The following NT5DC1 variants were observed in gnomAD, a reference collection of about 807,000 sequenced individuals.
The protein encoded by NT5DC1 is 5'-nucleotidase domain-containing protein 1.
Under a neutral mutation model 59.4 loss-of-function variants are expected in NT5DC1, and 42 were observed. That is an observed-to-expected ratio of 0.71 (90% confidence interval 0.55 to 0.92). The LOEUF (loss-of-function observed/expected upper bound fraction) is 0.92. Ranked by LOEUF, NT5DC1 falls within the 40% of genes least tolerant of loss-of-function variation. NT5DC1 has a pLI of 0.00. For missense variants in NT5DC1, 501 were observed against 537.1 expected (o/e 0.93, Z 0.66); for synonymous variants, 172 against 188.1 (o/e 0.91, Z 0.70).
At chr6:116,227,133 C>T (rs887994030) in intron 8 of NT5DC1, among the ~76,000 whole-genome samples, 1 of 152,106 alleles carries the variant, frequency 6.6e-6, no homozygotes, top group South Asian at 2.1e-4. Context: ...TCCTAATACC[C>T]CTACCCCTAG....
chr6:116,148,578 T>C (rs753827111), intron 6 of NT5DC1, among the ~76,000 whole-genome samples: 12 of 152,336 alleles, frequency 7.9e-5, no homozygotes, highest in African/African-American at 2.4e-4. Flanking sequence ...AATAGAAGTA[T>C]TACTATGATA....
At chr6:116,163,145 T>A (rs1211079560) in intron 6 of NT5DC1, among the ~76,000 whole-genome samples, 2,406 of 76,046 alleles carry the variant, frequency 0.032, 33 homozygotes, top group African/African-American at 0.064. Context: ...AAAAAAAATA[T>A]ATATATATAT....
chr6:116,173,347 T>C (rs186558286), intron 6 of NT5DC1, among the ~76,000 whole-genome samples: 21 of 152,330 alleles, frequency 1.4e-4, no homozygotes, highest in Non-Finnish European at 2.5e-4. Context: ...ATTTACTCTT[T>C]AACAATCTGA....
intron 4 of NT5DC1, among the ~76,000 whole-genome samples, chr6:116,114,736 G>A (rs1778934836): frequency 6.6e-6 from 1 of 152,114 alleles, no homozygotes; most frequent in African/African-American, 2.4e-5. Context: ...GGAATGAGAG[G>A]ATAAGACATG....
At chr6:116,155,625 G>A (rs1481111193) in intron 6 of NT5DC1, among the ~76,000 whole-genome samples, 5 of 151,964 alleles carry the variant, frequency 3.3e-5, no homozygotes, top group Non-Finnish European at 7.4e-5. Flanking sequence ...TTACATATGA[G>A]TGAGGTTACT....
intron 6 of NT5DC1, among the ~76,000 whole-genome samples, chr6:116,195,609 G>A (rs1781206113): frequency 1.3e-5 from 2 of 151,936 alleles, no homozygotes; most frequent in South Asian, 2.1e-4. Context: ...TCCCTCAAAT[G>A]TACATAATCA....
At chr6:116,243,858 G>T (rs369929112) in intron 11 of NT5DC1, 51 bp from the exon 12 acceptor site, 15 of 685,684 alleles carry the variant, frequency 2.2e-5, no homozygotes, top group African/African-American at 2.0e-4. Context: ...ATTTGTTTAT[G>T]AAAGGCATTC....
chr6:116,209,427 A>C (rs1317842273), intron 6 of NT5DC1, among the ~76,000 whole-genome samples: 1 of 152,046 alleles, frequency 6.6e-6, no homozygotes, highest in Non-Finnish European at 1.5e-5. Context: ...TAGGAGTATA[A>C]ACATGAATGT....
At chr6:116,173,741 A>G (rs1780670018) in intron 6 of NT5DC1, among the ~76,000 whole-genome samples, 1 of 152,198 alleles carries the variant, frequency 6.6e-6, no homozygotes. Context: ...TAGAAAAATG[A>G]TAAAGACAAT....
At chr6:116,110,661 G>C (rs1450296238) in intron 3 of NT5DC1, 189 bp from the exon 4 acceptor site, 3 of 673,606 alleles carry the variant, frequency 4.5e-6, no homozygotes, top group African/African-American at 1.8e-5. Flanking sequence ...GATTAAAGCG[G>C]GTAAGTGCTA....
chr6:116,141,228 A>G (rs1445265928), intron 6 of NT5DC1, among the ~76,000 whole-genome samples: 1 of 151,066 alleles, frequency 6.6e-6, no homozygotes, highest in Non-Finnish European at 1.5e-5. Context: ...TCCTCTCTCA[A>G]ATACCTGATT....
At chr6:116,179,147 A>G (rs1331365347) in intron 6 of NT5DC1, among the ~76,000 whole-genome samples, 1 of 152,142 alleles carries the variant, frequency 6.6e-6, no homozygotes, top group Non-Finnish European at 1.5e-5. Flanking sequence ...TGGGGATACC[A>G]ATTTATTTGT....
At chr6:116,114,663 G>A (rs1778933630) in intron 4 of NT5DC1, among the ~76,000 whole-genome samples, 1 of 152,080 alleles carries the variant, frequency 6.6e-6, no homozygotes, top group Non-Finnish European at 1.5e-5. Context: ...CTAGGGAACT[G>A]TATGAGGTTG....
At position 116,121,104 on chromosome 6, in the gene NT5DC1, C is replaced by T. The variant is rs747632782; in HGVS notation, c.529+3159C>T. On this transcript the variant is annotated intron_variant, in intron 6 of 11. Coordinates refer to ENST00000319550, the MANE Select transcript of NT5DC1 (RefSeq NM_152729.3). ...TGGGGTCCCATATTCCCAGGGGGTC[C>T]AGTCAGACCTGGCTTCCCAGGAAGA... The T allele has an allele frequency of 6.2e-7, 1 of 1,613,846 alleles. No individual in the cohort carries two copies. Among genetic ancestry groups the T allele is most frequent in the East Asian group, 2.2e-5 (1 of 44,866 alleles).
intron 6 of NT5DC1, among the ~76,000 whole-genome samples, chr6:116,161,459 T>C (rs1450693578): frequency 6.6e-6 from 1 of 152,168 alleles, no homozygotes; most frequent in Non-Finnish European, 1.5e-5. Flanking sequence ...TGTATATAGA[T>C]AGCCAGCTTT....
At chr6:116,240,304 TAAAAC>T (rs774803148) in intron 11 of NT5DC1, among the ~76,000 whole-genome samples, 24 of 152,308 alleles carry the variant, frequency 1.6e-4, no homozygotes, top group Admixed American at 3.9e-4. Context: ...AAAAAAATAA[TAAAAC>T]AATACAACAA....
chr6:116,228,464 C>T (rs909768494), intron 8 of NT5DC1, among the ~76,000 whole-genome samples: 6 of 151,672 alleles, frequency 4.0e-5, no homozygotes, highest in Admixed American at 6.6e-5. Context: ...GCCAAGATCG[C>T]GCCATTGCAC....
intron 6 of NT5DC1, among the ~76,000 whole-genome samples, chr6:116,156,590 A>G (rs976606086): frequency 1.3e-5 from 2 of 152,224 alleles, no homozygotes; most frequent in Non-Finnish European, 2.9e-5. Flanking sequence ...AAGCATAAGG[A>G]AGTCTTCGTG....
chr6:116,147,920 AG>A (rs1779938662), intron 6 of NT5DC1, among the ~76,000 whole-genome samples: 1 of 150,536 alleles, frequency 6.6e-6, no homozygotes, highest in Non-Finnish European at 1.5e-5. Context: ...TGGGAGGCGG[AG>A]GTTGCAGGGA....
Sources: allele counts gnomAD v4.1 joint callset (sites outside exome capture counted in the v4.1 genomes callset), GRCh38; gene constraint gnomAD v4.1.1; transcripts MANE v1.5; gene names NCBI Gene and HGNC (gene_info 2026-07-23, HGNC 2026-07-21).